The following ADGRF4 variants were observed in gnomAD, a reference collection of about 807,000 sequenced individuals.
ADGRF4 encodes G-protein coupled receptor PGR18.
ADGRF4 carries 63 observed loss-of-function variants against 58.5 expected under a neutral mutation model. The ratio of observed to expected loss-of-function variants is 1.08; its 90% CI spans 0.88 to 1.33. The LOEUF (loss-of-function observed/expected upper bound fraction) is 1.33. ADGRF4 is among the 40% of genes most tolerant of loss of function. ADGRF4 has a pLI of 0.00. For missense variants in ADGRF4, 931 were observed against 843.9 expected, an observed-to-expected ratio of 1.10 and a Z score of -1.28; for synonymous variants, 313 against 295.4, an observed-to-expected ratio of 1.06 and a Z score of -0.61.
intron 6 of ADGRF4, 47 bp downstream of exon 6, chr6:47,715,224 CA>C (rs762508107): frequency 3.9e-6 from 5 of 1,296,750 alleles, no homozygotes; most frequent in South Asian, 1.5e-5. Context: ...GACTAGACCA[CA>C]AAAAAATGGC....
chr6:47,715,924 G>A (rs1211456365), intron 6 of ADGRF4, among the ~76,000 whole-genome samples: 2 of 151,412 alleles, frequency 1.3e-5, no homozygotes, highest in African/African-American at 4.9e-5. Flanking sequence ...TAACTATAGA[G>A]CACATTTATT....
intron 1 of ADGRF4, among the ~76,000 whole-genome samples, chr6:47,706,539 GACA>G (rs1218848887): frequency 6.6e-6 from 1 of 152,202 alleles, no homozygotes; most frequent in East Asian, 1.9e-4. Context: ...GGGCACATTT[GACA>G]ACAATTGAGG....
rs550735923 is a variant in ADGRF4 at position 47,719,650 on chromosome 6, G to T, written c.*3+1205G>T. ...TTATCAGACTGTCTCAGGTGGAGGG[G>T]GCCCTGCCTTTGGGGGATACTGTGT... On this transcript the variant is annotated intron_variant, in intron 9 of 9. Transcript: ENST00000283303. Among the ~76,000 whole-genome samples the T allele has an allele frequency of 3.3e-5, 5 of 152,202 alleles. No individual in the cohort carries two copies. The East Asian group carries it at 7.7e-4, about 24-fold the overall frequency.
At chr6:47,700,204 A>C (rs1379845069) in intron 1 of ADGRF4, among the ~76,000 whole-genome samples, 3 of 151,892 alleles carry the variant, frequency 2.0e-5, no homozygotes, top group Non-Finnish European at 4.4e-5. Context: ...CAGGTTTGCG[A>C]GATCACACCT....
At position 47,715,011 on chromosome 6, in the gene ADGRF4, T is replaced by C. The variant is rs1581698146; in HGVS notation, c.1766T>C (p.Ile589Thr). The change falls in exon 6 of 10, where the codon ATT becomes ACT. Residue 589 changes from isoleucine to threonine, a missense_variant. Ile to Thr is a moderately conservative substitution (Grantham distance 89). Transcript: ENST00000283303. ...GCTGTCAACACTCAGAGGCCCTCTA[T>C]TGGCAGTTCCAAGTCTCAGGATGTG... is the stretch of plus-strand genomic sequence containing the variant. The part of the protein sequence containing the change: ...VVAVNTQRPS[I>T]GSSKSQDVVI... 8.1e-6 allele frequency: 13 copies of C among 1,613,412 alleles called. No individual in the cohort carries two copies. Among genetic ancestry groups the C allele is most frequent in the Non-Finnish European group, 1.1e-5 (13 of 1,179,338 alleles).
intron 1 of ADGRF4, among the ~76,000 whole-genome samples, chr6:47,699,944 CA>C (rs1228096016): frequency 2.1e-5 from 3 of 142,520 alleles, no homozygotes; most frequent in East Asian, 2.2e-4. Flanking sequence ...CCCCCCCCCC[CA>C]AAATGTGGGT....
rs186047962 is a variant in ADGRF4, at chr6:47,699,559, A to G, written c.-17+765A>G. Among the ~76,000 whole-genome samples the G allele has an allele frequency of 1.2e-3, 176 of 152,368 alleles. 2 individuals are homozygous for G. Among genetic ancestry groups the G allele is most frequent in the African/African-American group, 4.0e-3 (168 of 41,594 alleles). ...TGAAATTATGTGATTCTTGAAACCTATCAGAATCTGAATCCAGATTCCAAT... is the reference window on the plus strand; with the variant it reads ...TGAAATTATGTGATTCTTGAAACCTGTCAGAATCTGAATCCAGATTCCAAT... On this transcript the variant is annotated intron_variant, in intron 1 of 9. Transcript: ENST00000283303.
chr6:47,710,686 A>C (rs1179330827), intron 3 of ADGRF4, 49 bp from the exon 4 acceptor site: 3 of 1,528,548 alleles, frequency 2.0e-6, no homozygotes, highest in South Asian at 1.3e-5. Context: ...AAATGTGGAA[A>C]TCCTAATTGG....
intron 3 of ADGRF4, among the ~76,000 whole-genome samples, chr6:47,709,148 TGA>T (rs1295317136): frequency 6.6e-6 from 1 of 151,090 alleles, no homozygotes; most frequent in East Asian, 1.9e-4. Flanking sequence ...CCACTAAAGG[TGA>T]CTCTCAGGCA....
intron 1 of ADGRF4, among the ~76,000 whole-genome samples, chr6:47,700,605 G>A (rs754867262): frequency 1.1e-4 from 16 of 152,134 alleles, no homozygotes; most frequent in Non-Finnish European, 2.1e-4. Flanking sequence ...TGCCCATGGC[G>A]GACATCCCTA....
Position 47,710,899 on chromosome 6 carries a change from C to G in ADGRF4, c.300+13C>G. 1 of 1,607,640 alleles carries G rather than the reference C, an allele frequency of 6.2e-7. No individual in the cohort carries two copies. Among genetic ancestry groups the G allele is most frequent in the African/African-American group, 1.3e-5 (1 of 74,608 alleles). On this transcript the variant is annotated intron_variant, in intron 4 of 9. Transcript: ENST00000283303. ...AAAACTCTTTAAGGTGATGCATTCA[C>G]AAATTATTGGTGACAGAAGCCAATC...
rs116742710 is a variant in ADGRF4, at chr6:47,714,531, G to T, written c.1286G>T (p.Arg429Leu). 2 of 1,614,084 alleles carry T rather than the reference G, an allele frequency of 1.2e-6. No homozygotes were observed. Among genetic ancestry groups the T allele is most frequent in the South Asian group, 1.1e-5 (1 of 91,068 alleles). ...CLIIEATVWSRVVVTEISYMR... is the reference protein window; with the variant it reads ...CLIIEATVWSLVVVTEISYMR... ...ATCATTGAAGCCACAGTGTGGTCCC[G>T]GGTGGTTGTGACGGAGATATCATAC... The change falls in exon 6 of 10, where the codon CGG becomes CTG. Residue 429 changes from arginine (R) to leucine (L), a missense_variant. Coordinates refer to ENST00000283303, the MANE Select transcript of ADGRF4 (RefSeq NM_153838.5).
At position 47,718,405 on chromosome 6, in the gene ADGRF4, C is replaced by T. The variant is rs1405179143; in HGVS notation, c.2051C>T (p.Pro684Leu). ...SRAAENASLG[P>L]TNGSKLMNRQ... The stretch of plus-strand genomic sequence containing the variant: ...CCCACTTAGAATGCATCACTAGGCC[C>T]AACCAATGGATCTAAATTAATGAAT... The change falls in exon 9 of 10, where the codon CCA (proline) becomes CTA (leucine). Residue 684 changes from proline (P) to leucine (L), a missense_variant. Pro to Leu is a moderately conservative substitution (Grantham distance 98). Coordinates refer to ENST00000283303, the MANE Select transcript of ADGRF4 (RefSeq NM_153838.5). The T allele has an allele frequency of 1.3e-6, 2 of 1,575,778 alleles. No homozygotes were observed. The highest frequency in any genetic ancestry group is 8.7e-7 in the Non-Finnish European group (1 of 1,145,340).
chr6:47,718,572 C>CT, intron 9 of ADGRF4, 127 bp downstream of exon 9: 1 of 686,676 alleles, frequency 1.5e-6, no homozygotes, highest in South Asian at 1.7e-5. Flanking sequence ...AGGGGGACAT[C>CT]TTTTTCAAAG....
Position 47,714,470 on chromosome 6 carries a change from C to T in ADGRF4, c.1225C>T (p.Leu409Phe), listed in dbSNP as rs201647818. Reference protein sequence around the residue: ...KVLDYITCIGLSVSILSLVLC... With the variant: ...KVLDYITCIGFSVSILSLVLC... Reference sequence around the variant, plus strand: ...TCTGGACTACATCACCTGCATTGGGCTCAGCGTCTCAATCCTAAGCTTGGT... The same window carrying T: ...TCTGGACTACATCACCTGCATTGGGTTCAGCGTCTCAATCCTAAGCTTGGT... The change falls in exon 6 of 10, where the codon CTC (leucine) becomes TTC (phenylalanine). Residue 409 changes from leucine (L) to phenylalanine (F), a missense_variant. Transcript: ENST00000283303. The T allele has an allele frequency of 2.3e-4, 377 of 1,614,138 alleles. 6 individuals carry two copies. The Middle Eastern group carries it at 7.1e-3, about 30-fold the overall frequency.
At chr6:47,720,366 G>C (rs913750) in intron 9 of ADGRF4, among the ~76,000 whole-genome samples, 86,857 of 151,936 alleles carry the variant, frequency 0.57, 25,649 homozygotes, top group Middle Eastern at 0.69. Flanking sequence ...GGCTGACATG[G>C]TCTCAGGAGG....
chr6:47,718,279 T>C, intron 8 of ADGRF4, 110 bp from the exon 9 acceptor site: 1 of 739,208 alleles, frequency 1.4e-6, no homozygotes, highest in African/African-American at 1.7e-5. Flanking sequence ...TATATCAGTG[T>C]GGGTACTCCT....
intron 1 of ADGRF4, among the ~76,000 whole-genome samples, chr6:47,699,944 C>CA (rs1228096016): frequency 7.0e-6 from 1 of 142,520 alleles, no homozygotes. Context: ...CCCCCCCCCC[C>CA]AAAATGTGGG....
Position 47,716,834 on chromosome 6 carries a change from T to C in ADGRF4, c.1961T>C (p.Ile654Thr), listed in dbSNP as rs758763667. Residue 654 changes from isoleucine (I) to threonine (T), a missense_variant, in exon 7 of 10, where the codon ATT (isoleucine) becomes ACT (threonine). Ile to Thr is a moderately conservative substitution (Grantham distance 89, BLOSUM62 -1). Transcript: ENST00000283303. The part of the protein sequence containing the change: ...QGFFILLFGT[I>T]MDHKIRDALR... ...TTTTTCATCCTGCTGTTTGGAACCA[T>C]TATGGATCACAAGGTAATTTGAATT... 3.1e-6 allele frequency: 5 copies of C among 1,599,904 alleles called. No homozygotes were observed. The highest frequency in any genetic ancestry group is 1.7e-5 in the Admixed American group (1 of 57,600).
Sources: gnomAD v4.1 joint callset for allele counts (sites outside exome capture counted in the v4.1 genomes callset) on GRCh38, gnomAD v4.1.1 for gene constraint, MANE v1.5 for transcripts, NCBI Gene and HGNC (gene_info 2026-07-23, HGNC 2026-07-21) for gene names.